The following NELL1 variants were observed in gnomAD, a reference collection of about 807,000 sequenced individuals.
NELL1 encodes protein kinase C-binding protein NELL1.
In NELL1, 76 loss-of-function variants were observed where a neutral mutation model predicts 107.4. That is an observed-to-expected ratio of 0.71 (90% CI 0.59 to 0.86). The LOEUF (loss-of-function observed/expected upper bound fraction) is 0.86. Among genes scored for constraint, NELL1 ranks in the 40% least tolerant of loss-of-function variants. The pLI is 0.00. For missense variants in NELL1, 1,024 were observed against 1,005.5 expected, an observed-to-expected ratio of 1.02 and a Z score of -0.25; for synonymous variants, 353 against 341.2, an observed-to-expected ratio of 1.03 and a Z score of -0.38.
chr11:21,546,911 G>A (rs1402469489), intron 16 of NELL1, among the ~76,000 whole-genome samples: 2 of 151,972 alleles, frequency 1.3e-5, no homozygotes, highest in African/African-American at 4.8e-5. Context: ...AATTAAAGCA[G>A]TGTCAGCATA....
At chr11:20,803,145 G>A (rs746143843) in intron 3 of NELL1, among the ~76,000 whole-genome samples, 1 of 151,826 alleles carries the variant, frequency 6.6e-6, no homozygotes, top group Non-Finnish European at 1.5e-5. Context: ...ATTGGTATTA[G>A]TTTTTTTTAA....
chr11:21,570,297 G>C (rs1857069927), intron 17 of NELL1, among the ~76,000 whole-genome samples: 2 of 151,664 alleles, frequency 1.3e-5, no homozygotes, highest in South Asian at 4.1e-4. Flanking sequence ...AGCCTCTCTG[G>C]GTCTACGTTA....
chr11:20,766,883 C>T (rs764916061), intron 2 of NELL1, among the ~76,000 whole-genome samples: 9 of 152,096 alleles, frequency 5.9e-5, no homozygotes, highest in Non-Finnish European at 8.8e-5. Context: ...GCTGGGATTA[C>T]AGGCGTGCAC....
chr11:20,672,942 C>G lies in NELL1; in HGVS notation c.55+3164C>G, dbSNP rs113892141. ...TCTCGGCTCACCACAACCTCTGCCT[C>G]CTGGGTTTAAGTGATTCTCCTGCCT... is the stretch of plus-strand genomic sequence containing the variant. On this transcript the variant is annotated intron_variant, in intron 1 of 19. Coordinates refer to ENST00000357134, the MANE Select transcript of NELL1 (RefSeq NM_006157.5). Among the ~76,000 whole-genome samples the G allele has an allele frequency of 7.1e-3, 948 of 134,220 alleles. 19 individuals are homozygous for G. Among genetic ancestry groups the G allele is most frequent in the African/African-American group, 0.028 (910 of 32,660 alleles). The allele number at this position is 134,220 out of a possible 152,430, so 88.1% of individuals were successfully genotyped here. A position where few individuals can be genotyped will look rare whatever the true frequency, so the allele number is the denominator to read the frequency against.
intron 14 of NELL1, among the ~76,000 whole-genome samples, chr11:21,337,668 A>T (rs1850437733): frequency 6.6e-6 from 1 of 151,722 alleles, no homozygotes; most frequent in African/African-American, 2.4e-5. Flanking sequence ...CCCACGAATT[A>T]TTTCTACCCT....
chr11:21,138,827 T>G (rs1341305189), intron 13 of NELL1, among the ~76,000 whole-genome samples: 1 of 152,234 alleles, frequency 6.6e-6, no homozygotes, highest in African/African-American at 2.4e-5. Flanking sequence ...GGGTCCTTCC[T>G]CTTTGTGAAG....
At position 21,068,154 on chromosome 11, in the gene NELL1, C is replaced by A. The variant is rs565432311; in HGVS notation, c.1301-45435C>A. ...ATGTATTCATTCTGGTGTCTAGTGG[C>A]CTTTGGATGTATCCTAGACCCTGTG... On this transcript the variant is annotated intron_variant, in intron 12 of 19. Coordinates refer to ENST00000357134, the MANE Select transcript of NELL1 (RefSeq NM_006157.5). 4.7e-5 allele frequency among the ~76,000 whole-genome samples: 7 copies of A among 149,772 alleles called. No individual in the cohort carries two copies. In the South Asian group the frequency reaches 1.5e-3, roughly 32 times the overall value.
intron 16 of NELL1, among the ~76,000 whole-genome samples, chr11:21,556,011 T>A (rs1263677894): frequency 6.6e-6 from 1 of 151,992 alleles, no homozygotes; most frequent in Non-Finnish European, 1.5e-5. Context: ...TTTTGCAAGT[T>A]ACATCAGACT....
chr11:20,761,336 C>A (rs1429795), intron 2 of NELL1, among the ~76,000 whole-genome samples: 1 of 151,994 alleles, frequency 6.6e-6, no homozygotes, highest in South Asian at 2.1e-4. Context: ...CAGTTCAAGG[C>A]TACCTGGCGT....
chr11:21,341,589 G>C (rs1311911873), intron 14 of NELL1, among the ~76,000 whole-genome samples: 1 of 152,146 alleles, frequency 6.6e-6, no homozygotes, highest in African/African-American at 2.4e-5. Flanking sequence ...GGGTAAAGAA[G>C]GATAATTTCT....
chr11:21,092,229 T>A (rs1854538332), intron 12 of NELL1, among the ~76,000 whole-genome samples: 1 of 152,130 alleles, frequency 6.6e-6, no homozygotes, highest in South Asian at 2.1e-4. Flanking sequence ...CTGAAAATAT[T>A]CATGGTTAGT....
intron 15 of NELL1, among the ~76,000 whole-genome samples, chr11:21,397,457 T>C (rs575779857): frequency 6.6e-6 from 1 of 151,668 alleles, no homozygotes; most frequent in South Asian, 2.1e-4. Flanking sequence ...AAAGAGGAAA[T>C]ATGTATATTA....
chr11:21,486,167 G>A (rs1268743411), intron 15 of NELL1, among the ~76,000 whole-genome samples: 1 of 152,080 alleles, frequency 6.6e-6, no homozygotes, highest in African/African-American at 2.4e-5. Context: ...GGAAGCCCAA[G>A]AATCAACCTG....
intron 2 of NELL1, among the ~76,000 whole-genome samples, chr11:20,706,259 A>G (rs1854950686): frequency 1.3e-5 from 2 of 152,180 alleles, no homozygotes; most frequent in South Asian, 4.1e-4. Flanking sequence ...AAAGAGTTGG[A>G]ACCAACCCTA....
chr11:21,123,918 T>C (rs1184935719), intron 13 of NELL1, among the ~76,000 whole-genome samples: 2 of 152,188 alleles, frequency 1.3e-5, no homozygotes, highest in Non-Finnish European at 2.9e-5. Flanking sequence ...AGTCTCATCA[T>C]CTAACATGAT....
chr11:20,759,729 C>T (rs1229645628), intron 2 of NELL1, among the ~76,000 whole-genome samples: 2 of 152,174 alleles, frequency 1.3e-5, no homozygotes, highest in African/African-American at 4.8e-5. Flanking sequence ...GTCCAGGGTG[C>T]TGCGCCTGAT....
chr11:21,308,947 G>GA (rs1191225229), intron 14 of NELL1, among the ~76,000 whole-genome samples: 2 of 150,960 alleles, frequency 1.3e-5, no homozygotes, highest in Admixed American at 6.6e-5. Flanking sequence ...AAAATGCCTT[G>GA]AAAAAAAAGC....
intron 13 of NELL1, among the ~76,000 whole-genome samples, chr11:21,165,867 A>G (rs1302962567): frequency 6.7e-6 from 1 of 149,538 alleles, no homozygotes; most frequent in African/African-American, 2.5e-5. Flanking sequence ...GGTTCAAGCA[A>G]TTCTCCTGCC....
intron 12 of NELL1, among the ~76,000 whole-genome samples, chr11:21,059,891 A>G (rs887271702): frequency 6.6e-6 from 1 of 152,194 alleles, no homozygotes; most frequent in African/African-American, 2.4e-5. Flanking sequence ...AAATATGCCA[A>G]TATATTTCTC....
Sources: allele counts gnomAD v4.1 joint callset (sites outside exome capture counted in the v4.1 genomes callset), GRCh38; gene constraint gnomAD v4.1.1; transcripts MANE v1.5; gene names NCBI Gene and HGNC (gene_info 2026-07-23, HGNC 2026-07-21).